Variants in NCKAP5 observed in about 807,000 individuals in gnomAD.
NCKAP5 encodes the protein nck-associated protein 5.
Under a neutral mutation model 167.0 loss-of-function variants are expected in NCKAP5, and 92 were observed. The ratio of observed to expected loss-of-function variants is 0.55; its 90% CI spans 0.47 to 0.66. The LOEUF is 0.66. NCKAP5 is among the 30% of genes least tolerant of loss of function. NCKAP5 has a pLI of 0.00. For synonymous variants in NCKAP5, 891 were observed against 877.4 expected (o/e 1.02, Z -0.27); for missense variants, 2,378 against 2,315.0 (o/e 1.03, Z -0.56).
chr2:132,982,824 T>A (rs967804577), intron 7 of NCKAP5, among the ~76,000 whole-genome samples: 6 of 152,250 alleles, frequency 3.9e-5, no homozygotes, highest in African/African-American at 1.4e-4. Flanking sequence ...ACTGCATCCA[T>A]GTTGCTGCAA....
chr2:133,257,252 C>G (rs2088663161), intron 4 of NCKAP5, among the ~76,000 whole-genome samples: 1 of 152,116 alleles, frequency 6.6e-6, no homozygotes, highest in African/African-American at 2.4e-5. Flanking sequence ...AGCAATATAA[C>G]TAGGAACAAA....
At chr2:133,065,367 C>T (rs2080155812) in intron 6 of NCKAP5, among the ~76,000 whole-genome samples, 1 of 152,188 alleles carries the variant, frequency 6.6e-6, no homozygotes, top group Admixed American at 6.5e-5. Context: ...TGGCTTATGC[C>T]TATAATCAAA....
chr2:133,272,106 T>C (rs2089540249), intron 4 of NCKAP5, among the ~76,000 whole-genome samples: 1 of 151,920 alleles, frequency 6.6e-6, no homozygotes, highest in Non-Finnish European at 1.5e-5. Flanking sequence ...GAACTTGATG[T>C]CTCAAAAATA....
chr2:133,625,743 C>G, the NCKAP5 span, among the ~76,000 whole-genome samples: 1 of 151,632 alleles, frequency 6.6e-6, no homozygotes, highest in Non-Finnish European at 1.5e-5. Flanking sequence ...TAGTGGCGGG[C>G]ACCTGTAGTC....
At chr2:133,013,806 T>C (rs2078244154) in intron 6 of NCKAP5, among the ~76,000 whole-genome samples, 1 of 152,198 alleles carries the variant, frequency 6.6e-6, no homozygotes, top group Non-Finnish European at 1.5e-5. Context: ...CTGGTTTACA[T>C]CCTTCTGTGT....
intron 6 of NCKAP5, among the ~76,000 whole-genome samples, chr2:132,995,362 A>T (rs1313002232): frequency 6.6e-6 from 1 of 152,082 alleles, no homozygotes; most frequent in African/African-American, 2.4e-5. Context: ...TTTAAAAAAC[A>T]TTTTTTGGCT....
chr2:133,392,190 C>T (rs1687456223), intron 3 of NCKAP5, among the ~76,000 whole-genome samples: 1 of 152,176 alleles, frequency 6.6e-6, no homozygotes, highest in African/African-American at 2.4e-5. Flanking sequence ...GATTATAAAA[C>T]CATACATGTA....
At position 132,875,035 on chromosome 2, in the gene NCKAP5, G is replaced by A. The variant is rs146712326; in HGVS notation, c.648+3813C>T. ...ACTGTATCTAAACTTGGTGGAGGGA[G>A]CTTTCATCCTTCTACTGAAAATTTC... On this transcript the variant is annotated intron_variant, in intron 9 of 19. Transcript: ENST00000409261. Among the ~76,000 whole-genome samples, 206 of 152,228 alleles carry A rather than the reference G, an allele frequency of 1.4e-3. 1 individual carries two copies. Among genetic ancestry groups the A allele is most frequent in the Admixed American group, 8.6e-3 (132 of 15,294 alleles).
At chr2:133,536,352 T>C (rs1010996482) in intron 2 of NCKAP5, among the ~76,000 whole-genome samples, 1 of 152,132 alleles carries the variant, frequency 6.6e-6, no homozygotes, top group African/African-American at 2.4e-5. Context: ...TTCTTCTACA[T>C]ATGGCTTTCT....
chr2:132,837,204 T>C (rs1687953126), intron 11 of NCKAP5, among the ~76,000 whole-genome samples: 1 of 152,196 alleles, frequency 6.6e-6, no homozygotes, highest in Non-Finnish European at 1.5e-5. Context: ...CTTTCCCCCA[T>C]GTGTTCTAAA....
At chr2:133,055,199 G>T (rs2079753770) in intron 6 of NCKAP5, among the ~76,000 whole-genome samples, 1 of 151,994 alleles carries the variant, frequency 6.6e-6, no homozygotes, top group Non-Finnish European at 1.5e-5. Context: ...AGTCAAGGGA[G>T]AACTGTAGTC....
At chr2:133,504,821 T>C (rs1486511356) in intron 3 of NCKAP5, among the ~76,000 whole-genome samples, 2 of 152,120 alleles carry the variant, frequency 1.3e-5, no homozygotes, top group Non-Finnish European at 2.9e-5. Context: ...TCTCTCTATG[T>C]AGTGGAAAAA....
chr2:133,608,230 G>A, the NCKAP5 span, among the ~76,000 whole-genome samples: 2 of 152,068 alleles, frequency 1.3e-5, no homozygotes, highest in African/African-American at 4.8e-5. Flanking sequence ...GCTTTTTCAT[G>A]TCTTTTCTGA....
chr2:132,936,761 AT>A (rs1223102042), intron 8 of NCKAP5, among the ~76,000 whole-genome samples: 8 of 152,144 alleles, frequency 5.3e-5, no homozygotes. Context: ...GATCTAGAGT[AT>A]TTTTTTCTTT....
At chr2:132,836,555 T>G (rs1465464516) in intron 11 of NCKAP5, among the ~76,000 whole-genome samples, 2 of 152,164 alleles carry the variant, frequency 1.3e-5, no homozygotes, top group African/African-American at 4.8e-5. Flanking sequence ...GTTTATTATT[T>G]TATTTTCCAT....
intron 3 of NCKAP5, among the ~76,000 whole-genome samples, chr2:133,420,499 T>C (rs1689405064): frequency 1.3e-5 from 2 of 152,204 alleles, no homozygotes; most frequent in Admixed American, 1.3e-4. Context: ...AGGTTTCTTT[T>C]TTCAGTGATG....
rs138089042 is a variant in NCKAP5, at chr2:133,496,064, G to A, written c.69+21394C>T. On this transcript the variant is annotated intron_variant, in intron 3 of 19. Transcript: ENST00000409261. The stretch of plus-strand genomic sequence containing the variant: ...AATGCTTTTGGAGATGATGATGTTA[G>A]TAAACCAGGTCAACTTTTTGACATT... Among the ~76,000 whole-genome samples the A allele has an allele frequency of 3.9e-5, 6 of 152,276 alleles. No homozygotes were observed. In the South Asian group the frequency reaches 6.2e-4, roughly 16 times the overall value.
At chr2:133,518,008 G>T (rs1020363176) in intron 2 of NCKAP5, among the ~76,000 whole-genome samples, 1 of 152,096 alleles carries the variant, frequency 6.6e-6, no homozygotes, top group Non-Finnish European at 1.5e-5. Context: ...TGAGCTCAAG[G>T]CCCAATGAAG....
At chr2:132,702,414 G>T (rs922883865) in intron 19 of NCKAP5, among the ~76,000 whole-genome samples, 22 of 152,046 alleles carry the variant, frequency 1.4e-4, no homozygotes, top group Non-Finnish European at 2.9e-5. Flanking sequence ...AGGGAAAGAG[G>T]AAGAGGAAGC....
Sources: allele counts gnomAD v4.1 joint callset (sites outside exome capture counted in the v4.1 genomes callset), GRCh38; gene constraint gnomAD v4.1.1; transcripts MANE v1.5; gene names NCBI Gene and HGNC (gene_info 2026-07-23, HGNC 2026-07-21).